KIAA1549L: variants seen among roughly 807,000 people sequenced by gnomAD.
The protein encoded by KIAA1549L is KIAA1549 like.
Under a neutral mutation model 160.7 loss-of-function variants are expected in KIAA1549L, and 88 were observed. The ratio of observed to expected loss-of-function variants is 0.55; its 90% CI spans 0.46 to 0.65. The LOEUF (loss-of-function observed/expected upper bound fraction) is 0.65. Ranked by LOEUF, KIAA1549L falls within the 30% of genes least tolerant of loss-of-function variation. The pLI, the probability that KIAA1549L is intolerant of heterozygous loss-of-function variation, is 0.00. For missense variants in KIAA1549L, 2,258 were observed against 2,437.5 expected (o/e 0.93, Z 1.55); for synonymous variants, 950 against 976.7 (o/e 0.97, Z 0.51).
At chr11:33,535,941 G>A (rs142207660) in intron 1 of KIAA1549L, among the ~76,000 whole-genome samples, 34 of 152,156 alleles carry the variant, frequency 2.2e-4, no homozygotes, top group Admixed American at 3.9e-4. Flanking sequence ...CAAAATTTGT[G>A]TTTCTGTCTT....
intron 1 of KIAA1549L, among the ~76,000 whole-genome samples, chr11:33,411,279 T>C (rs1244973026): frequency 6.6e-6 from 1 of 152,178 alleles, no homozygotes; most frequent in African/African-American, 2.4e-5. Context: ...AAATATCTCT[T>C]TTATGAAGTG....
intron 1 of KIAA1549L, among the ~76,000 whole-genome samples, chr11:33,498,498 T>G (rs1387163983): frequency 6.6e-6 from 1 of 152,186 alleles, no homozygotes. Flanking sequence ...AGGACCAACT[T>G]GGATAGCTAC....
chr11:33,466,722 T>A (rs941308686), intron 1 of KIAA1549L, among the ~76,000 whole-genome samples: 1 of 152,256 alleles, frequency 6.6e-6, no homozygotes, highest in East Asian at 1.9e-4. Flanking sequence ...CCAACCCAAA[T>A]GTCCATCAAT....
intron 1 of KIAA1549L, among the ~76,000 whole-genome samples, chr11:33,395,467 T>G (rs1457575445): frequency 6.6e-6 from 1 of 152,192 alleles, no homozygotes; most frequent in African/African-American, 2.4e-5. Context: ...TTCATCTATA[T>G]ATCGATGAGA....
rs148140092 is a variant in KIAA1549L, at chr11:33,436,133, A to G, written c.238+59244A>G. Among the ~76,000 whole-genome samples the G allele has an allele frequency of 1.1e-4, 17 of 152,174 alleles. No homozygotes were observed. The East Asian group carries it at 3.3e-3, about 29-fold the overall frequency. The stretch of plus-strand genomic sequence containing the variant: ...TTATAAGCAAATGCTATGCCACTTT[A>G]TATCTCAGGGACATGAGCATCTGGG... On this transcript the variant is annotated intron_variant, in intron 1 of 20. Coordinates refer to ENST00000658780, the MANE Select transcript of KIAA1549L (RefSeq NM_012194.3).
At position 33,552,185 on chromosome 11, in the gene KIAA1549L, G is replaced by A. The variant is rs1854484864; in HGVS notation, c.3799G>A (p.Ala1267Thr). The A allele has an allele frequency of 6.2e-7, 1 of 1,611,260 alleles. No homozygotes were observed. Among genetic ancestry groups the A allele is most frequent in the Non-Finnish European group, 8.5e-7 (1 of 1,178,762 alleles). Residue 1267 changes from alanine to threonine, a missense_variant, in exon 6 of 21, where the codon GCA (alanine) becomes ACA (threonine). By Grantham distance (58) the Ala-to-Thr change is moderately conservative (BLOSUM62 0). Around this residue, in one of 6 missense-constraint regions of KIAA1549L, gnomAD observed 1,359 missense variants for 1,546.6 expected, o/e 0.88. Coordinates refer to ENST00000658780, the MANE Select transcript of KIAA1549L (RefSeq NM_012194.3). ...GACAATGGAACAGAGGCTGCAGAAG[G>A]CATTCCAGGATGCCGAGAGGAAAGT... ...AQTMEQRLQKAFQDAERKVLN... is the reference protein window; with the variant it reads ...AQTMEQRLQKTFQDAERKVLN...
intron 1 of KIAA1549L, among the ~76,000 whole-genome samples, chr11:33,452,603 A>G (rs1336990349): frequency 1.3e-5 from 2 of 150,544 alleles, no homozygotes; most frequent in African/African-American, 5.0e-5. Flanking sequence ...GTGAGACTCC[A>G]TCTCAAATAA....
intron 1 of KIAA1549L, among the ~76,000 whole-genome samples, chr11:33,400,967 TG>T (rs1850486649): frequency 2.0e-5 from 3 of 152,126 alleles, no homozygotes; most frequent in African/African-American, 2.4e-5. Flanking sequence ...ACCCAAGGCC[TG>T]TGCTCCTGTC....
chr11:33,571,991 C>G (rs1034775630), intron 9 of KIAA1549L, among the ~76,000 whole-genome samples: 1 of 151,992 alleles, frequency 6.6e-6, no homozygotes, highest in African/African-American at 2.4e-5. Context: ...CGTCAAAAAG[C>G]CCTTGTTTTT....
chr11:33,406,525 G>A (rs1354864282), intron 1 of KIAA1549L, among the ~76,000 whole-genome samples: 1 of 152,252 alleles, frequency 6.6e-6, no homozygotes, highest in Non-Finnish European at 1.5e-5. Flanking sequence ...GGATGTAGAT[G>A]GGGAAGCTGG....
intron 1 of KIAA1549L, among the ~76,000 whole-genome samples, chr11:33,461,849 C>G (rs966270994): frequency 6.6e-6 from 1 of 152,096 alleles, no homozygotes; most frequent in African/African-American, 2.4e-5. Flanking sequence ...CTAGGATCAC[C>G]CAGCTAGTGA....
intron 1 of KIAA1549L, among the ~76,000 whole-genome samples, chr11:33,485,765 C>T (rs111692918): frequency 0.027 from 4,043 of 152,206 alleles, 123 homozygotes; most frequent in South Asian, 0.087. Context: ...TATCCTTTGA[C>T]TAACATCTCC....
intron 1 of KIAA1549L, among the ~76,000 whole-genome samples, chr11:33,520,684 A>AACACACACACACACACACACACACAC (rs60029190): frequency 4.7e-5 from 4 of 84,798 alleles, no homozygotes; most frequent in Admixed American, 3.9e-4. Context: ...CCCCACCCCC[A>AACACACACACACACACACACACACAC]ACACACACAC....
chr11:33,406,510 C>A (rs1850656184), intron 1 of KIAA1549L, among the ~76,000 whole-genome samples: 1 of 152,242 alleles, frequency 6.6e-6, no homozygotes, highest in African/African-American at 2.4e-5. Context: ...CTCTTAGGGA[C>A]AGGTGGATGT....
chr11:33,484,572 C>T (rs2133054276), intron 1 of KIAA1549L, among the ~76,000 whole-genome samples: 1 of 152,328 alleles, frequency 6.6e-6, no homozygotes, highest in South Asian at 2.1e-4. Context: ...TGACCACTCA[C>T]CTCCCTAGAG....
chr11:33,448,162 G>A (rs1459222878), intron 1 of KIAA1549L, among the ~76,000 whole-genome samples: 1 of 152,144 alleles, frequency 6.6e-6, no homozygotes, highest in Non-Finnish European at 1.5e-5. Flanking sequence ...ATGTGCCATG[G>A]TGATTTGCTG....
At chr11:33,547,250 G>C (rs1303722461) in intron 3 of KIAA1549L, among the ~76,000 whole-genome samples, 3 of 152,138 alleles carry the variant, frequency 2.0e-5, no homozygotes, top group African/African-American at 7.2e-5. Context: ...CTCAGGGCTG[G>C]GTGCTCCTCC....
At chr11:33,522,450 G>T (rs986216901) in intron 1 of KIAA1549L, among the ~76,000 whole-genome samples, 17 of 152,194 alleles carry the variant, frequency 1.1e-4, no homozygotes, top group Non-Finnish European at 2.5e-4. Flanking sequence ...CAGGTTTTTG[G>T]TGCCAAATGG....
At position 33,543,079 on chromosome 11, in the gene KIAA1549L, A is replaced by G; in HGVS notation, c.1516A>G (p.Thr506Ala). The stretch of plus-strand genomic sequence containing the variant: ...GACAGCCGACTTTCCCTCCATACTT[A>G]CTTTCCTCCAGCCCACAGAGAATCA... Reference protein sequence around the residue: ...TGTADFPSILTFLQPTENHAS... With the variant: ...TGTADFPSILAFLQPTENHAS... The change falls in exon 2 of 21, where the codon ACT becomes GCT. Residue 506 changes from threonine to alanine, a missense_variant. By Grantham distance (58) the Thr-to-Ala change is moderately conservative. Around this residue, in one of 6 missense-constraint regions of KIAA1549L, gnomAD observed 540 missense variants for 465.7 expected, o/e 1.16. Transcript: ENST00000658780. The G allele has an allele frequency of 6.2e-7, 1 of 1,613,778 alleles. No individual in the cohort carries two copies.
Sources: gnomAD v4.1 joint callset for allele counts (sites outside exome capture counted in the v4.1 genomes callset) on GRCh38, gnomAD v4.1.1 for gene constraint, gnomAD v4.1.1 regional missense constraint, MANE v1.5 for transcripts, NCBI Gene and HGNC (gene_info 2026-07-23, HGNC 2026-07-21) for gene names.